CAMK1D: variants seen among roughly 807,000 people sequenced by gnomAD.
The protein encoded by CAMK1D is calcium/calmodulin dependent protein kinase ID.
CAMK1D carries 9 observed loss-of-function variants against 47.7 expected under a neutral mutation model. The ratio of observed to expected loss-of-function variants is 0.19; its 90% confidence interval spans 0.11 to 0.33. CAMK1D has a LOEUF of 0.33. CAMK1D is among the 10% of genes least tolerant of loss of function. CAMK1D has a pLI of 1.00. For missense variants in CAMK1D, 291 were observed against 488.7 expected (o/e 0.60, Z 3.81); for synonymous variants, 184 against 184.9 (o/e 0.99, Z 0.04).
chr10:12,660,749 G>A (rs1320788955), intron 2 of CAMK1D, among the ~76,000 whole-genome samples: 1 of 152,230 alleles, frequency 6.6e-6, no homozygotes, highest in Non-Finnish European at 1.5e-5. Flanking sequence ...TAAATGATAA[G>A]TGATGAAAAT....
intron 1 of CAMK1D, among the ~76,000 whole-genome samples, chr10:12,538,648 G>A (rs1327439): frequency 0.013 from 1,942 of 152,258 alleles, 39 homozygotes; most frequent in African/African-American, 0.044. Context: ...CCGAGGAGGT[G>A]CAGGCCAGTT....
intron 2 of CAMK1D, among the ~76,000 whole-genome samples, chr10:12,623,776 C>A (rs1182236849): frequency 6.6e-6 from 1 of 151,836 alleles, no homozygotes; most frequent in Non-Finnish European, 1.5e-5. Flanking sequence ...TATTTAGAAA[C>A]CCTTTTAAAT....
chr10:12,767,366 G>A (rs550879661), intron 4 of CAMK1D, among the ~76,000 whole-genome samples: 12 of 151,940 alleles, frequency 7.9e-5, no homozygotes, highest in East Asian at 3.9e-4. Context: ...TAGTAGAGAC[G>A]GGGTTTCTCC....
Position 12,510,276 on chromosome 10 carries a change from C to A in CAMK1D, c.93-42949C>A, listed in dbSNP as rs377587565. On this transcript the variant is annotated intron_variant, in intron 1 of 10. Coordinates refer to ENST00000619168, the MANE Select transcript of CAMK1D (RefSeq NM_153498.4). The stretch of plus-strand genomic sequence containing the variant: ...CTAAAAAATACAAAAATTAGCTGGG[C>A]GTGGTGGCACATACCTGTAATCCGA... Among the ~76,000 whole-genome samples, 3 of 152,140 alleles carry A rather than the reference C, an allele frequency of 2.0e-5. No individual in the cohort carries two copies. The East Asian group carries it at 5.8e-4, about 29-fold the overall frequency.
chr10:12,429,385 G>C (rs1403541465), intron 1 of CAMK1D, among the ~76,000 whole-genome samples: 2 of 151,968 alleles, frequency 1.3e-5, no homozygotes, highest in Non-Finnish European at 2.9e-5. Context: ...TGTCACCCAG[G>C]CTGGAGTGCA....
intron 3 of CAMK1D, among the ~76,000 whole-genome samples, chr10:12,728,038 T>C: frequency 6.6e-6 from 1 of 152,184 alleles, no homozygotes; most frequent in Non-Finnish European, 1.5e-5. Context: ...AGTGTGGGGA[T>C]TACAGGCGTG....
rs961694993 is a variant in CAMK1D at position 12,439,760 on chromosome 10, C to T, written c.92+89850C>T. On this transcript the variant is annotated intron_variant, in intron 1 of 10. Coordinates refer to ENST00000619168, the MANE Select transcript of CAMK1D (RefSeq NM_153498.4). ...GTGGCCTAGAGTTTTCATATTAGTC[C>T]GTTTTCACGCTGCTGATGAAGACAT... is the stretch of plus-strand genomic sequence containing the variant. 1.5e-4 allele frequency among the ~76,000 whole-genome samples: 23 copies of T among 152,172 alleles called. No individual in the cohort carries two copies. In the South Asian group the frequency reaches 1.7e-3, roughly 11 times the overall value.
chr10:12,678,705 A>G (rs1240028661), intron 3 of CAMK1D, among the ~76,000 whole-genome samples: 1 of 152,190 alleles, frequency 6.6e-6, no homozygotes, highest in Non-Finnish European at 1.5e-5. Flanking sequence ...GTGAATTAAC[A>G]CTTTTATCAT....
chr10:12,365,663 C>A (rs886512656), intron 1 of CAMK1D, among the ~76,000 whole-genome samples: 2 of 152,028 alleles, frequency 1.3e-5, no homozygotes, highest in African/African-American at 4.8e-5. Flanking sequence ...TGGTCTCGAT[C>A]TGCTGACCTC....
chr10:12,600,591 A>C (rs1413101730), intron 2 of CAMK1D, among the ~76,000 whole-genome samples: 1 of 152,186 alleles, frequency 6.6e-6, no homozygotes, highest in Non-Finnish European at 1.5e-5. Context: ...TCTTTAATTG[A>C]CTTAACCCTG....
chr10:12,608,108 G>T (rs138551383), intron 2 of CAMK1D, among the ~76,000 whole-genome samples: 8 of 152,182 alleles, frequency 5.3e-5, no homozygotes, highest in African/African-American at 1.9e-4. Context: ...CAGACATGAA[G>T]GGAACTATTA....
chr10:12,449,844 T>C (rs555299996), intron 1 of CAMK1D, among the ~76,000 whole-genome samples: 9 of 151,930 alleles, frequency 5.9e-5, no homozygotes, highest in Non-Finnish European at 1.0e-4. Context: ...ACTAAAAATA[T>C]AGAAATTATC....
chr10:12,666,509 T>C (rs1209744904), intron 2 of CAMK1D, among the ~76,000 whole-genome samples: 1 of 152,200 alleles, frequency 6.6e-6, no homozygotes, highest in Non-Finnish European at 1.5e-5. Context: ...CCACTCTTGC[T>C]AAACTGTAGG....
At chr10:12,758,600 G>A (rs974150592) in intron 3 of CAMK1D, among the ~76,000 whole-genome samples, 4 of 152,188 alleles carry the variant, frequency 2.6e-5, no homozygotes, top group Non-Finnish European at 4.4e-5. Flanking sequence ...GCTGCCCTAT[G>A]GCACTGCTGT....
At chr10:12,602,945 G>C (rs957228656) in intron 2 of CAMK1D, among the ~76,000 whole-genome samples, 15 of 85,788 alleles carry the variant, frequency 1.7e-4, no homozygotes, top group African/African-American at 3.8e-4. Flanking sequence ...GTCTCGCCCT[G>C]TTGCTCCCAA....
chr10:12,525,644 G>A (rs1039775982), intron 1 of CAMK1D, among the ~76,000 whole-genome samples: 3 of 152,250 alleles, frequency 2.0e-5, no homozygotes, highest in Non-Finnish European at 4.4e-5. Context: ...TTAGGGAGCT[G>A]CTTTAAAGTT....
chr10:12,365,251 G>C (rs116133091), intron 1 of CAMK1D, among the ~76,000 whole-genome samples: 3 of 151,092 alleles, frequency 2.0e-5, no homozygotes, highest in Non-Finnish European at 3.0e-5. Flanking sequence ...CCACCAAGCC[G>C]GCCTATCCTC....
intron 2 of CAMK1D, among the ~76,000 whole-genome samples, chr10:12,659,151 CCT>C (rs1393723822): frequency 6.6e-6 from 1 of 152,172 alleles, no homozygotes; most frequent in African/African-American, 2.4e-5. Context: ...AGCCAGTCCC[CCT>C]GTCGCACACC....
intron 2 of CAMK1D, among the ~76,000 whole-genome samples, chr10:12,652,595 A>G (rs933890464): frequency 6.6e-6 from 1 of 152,152 alleles, no homozygotes; most frequent in Admixed American, 6.5e-5. Context: ...CTCGAAAAAA[A>G]AAAGAAAGAA....
Sources: allele counts gnomAD v4.1 joint callset (sites outside exome capture counted in the v4.1 genomes callset), GRCh38; gene constraint gnomAD v4.1.1; transcripts MANE v1.5; gene names NCBI Gene and HGNC (gene_info 2026-07-23, HGNC 2026-07-21).